UNC79: variants seen among roughly 807,000 people sequenced by gnomAD.
UNC79 encodes protein unc-79 homolog.
A neutral mutation model predicts 283.1 loss-of-function variants in UNC79; 37 were observed. That is an observed-to-expected ratio of 0.13 (90% CI 0.10 to 0.17). The LOEUF is 0.17. Among genes scored for constraint, UNC79 ranks in the 10% least tolerant of loss-of-function variants. UNC79 has a pLI of 1.00. For synonymous variants in UNC79, 1,107 were observed against 1,200.2 expected (o/e 0.92, Z 1.61); for missense variants, 2,272 against 3,211.1 (o/e 0.71, Z 7.07).
intron 17 of UNC79, 50 bp from the exon 18 acceptor site, chr14:93,577,792 A>G (rs778594201): frequency 7.6e-6 from 12 of 1,582,316 alleles, no homozygotes; most frequent in South Asian, 1.1e-5. Context: ...TTACACAGCA[A>G]TTTGAGCTTC....
At chr14:93,566,856 A>G (rs1168062254) in intron 14 of UNC79, among the ~76,000 whole-genome samples, 1 of 152,050 alleles carries the variant, frequency 6.6e-6, no homozygotes, top group South Asian at 2.1e-4. Context: ...TGACCTCGTG[A>G]TCTGCCCACC....
intron 3 of UNC79, among the ~76,000 whole-genome samples, chr14:93,476,955 G>A (rs886088317): frequency 6.6e-6 from 1 of 152,190 alleles, no homozygotes; most frequent in African/African-American, 2.4e-5. Flanking sequence ...TTCTAATGAA[G>A]TGAGGTAGGT....
chr14:93,442,075 G>T (rs1386033557), intron 1 of UNC79, among the ~76,000 whole-genome samples: 1 of 151,982 alleles, frequency 6.6e-6, no homozygotes, highest in Non-Finnish European at 1.5e-5. Flanking sequence ...TTGGCATTAA[G>T]GATTGGTGAA....
Position 93,690,001 on chromosome 14 carries a change from T to G in UNC79, c.7086-116T>G. On this transcript the variant is annotated intron_variant, in intron 44 of 48. Coordinates refer to ENST00000555664, the Ensembl canonical transcript of UNC79. This position sits in a 1 kb window ranked among gnomAD's most constrained non-coding sequence, Gnocchi z 4.3. ...CACTCAATTGCCTTGGCGTTTTGTT[T>G]TATGTGATTGCCTGCAAGACCACAC... is the stretch of plus-strand genomic sequence containing the variant. 1.7e-6 allele frequency: 2 copies of G among 1,187,022 alleles called. No individual in the cohort carries two copies. Among genetic ancestry groups the G allele is most frequent in the South Asian group, 3.0e-5 (2 of 67,600 alleles). 73.5% of individuals were successfully genotyped at this position (1,187,022 alleles called of 1,614,324 possible).
At chr14:93,699,028 C>T (rs2075350153) in intron 47 of UNC79, among the ~76,000 whole-genome samples, 1 of 152,088 alleles carries the variant, frequency 6.6e-6, no homozygotes, top group Non-Finnish European at 1.5e-5. Flanking sequence ...TAGGATGGTA[C>T]ATATTTTTTC....
chr14:93,501,094 G>A (rs1316814328), intron 7 of UNC79, among the ~76,000 whole-genome samples: 4 of 152,174 alleles, frequency 2.6e-5, no homozygotes, highest in Non-Finnish European at 5.9e-5. Flanking sequence ...GGAAGTGGAG[G>A]CAGGTGGATC....
chr14:93,651,998 G>A (rs2070335949), intron 35 of UNC79, among the ~76,000 whole-genome samples: 2 of 141,156 alleles, frequency 1.4e-5, no homozygotes, highest in South Asian at 4.5e-4. Context: ...CTGACCTCAG[G>A]TGATCCACCC....
chr14:93,498,081 G>A (rs2059101972), intron 7 of UNC79, among the ~76,000 whole-genome samples: 1 of 151,900 alleles, frequency 6.6e-6, no homozygotes, highest in African/African-American at 2.4e-5. Context: ...GTTCGCCTGA[G>A]GTCCAGAGTT....
At chr14:93,570,569 G>A (rs2141589682) in intron 14 of UNC79, among the ~76,000 whole-genome samples, 1 of 152,280 alleles carries the variant, frequency 6.6e-6, no homozygotes, top group African/African-American at 2.4e-5. Context: ...GGTGGTGAAG[G>A]GGAGTTTATG....
At chr14:93,349,093 A>T (rs773715360) in intron 1 of UNC79, among the ~76,000 whole-genome samples, 1 of 152,146 alleles carries the variant, frequency 6.6e-6, no homozygotes, top group African/African-American at 2.4e-5. Context: ...AACCCACCAG[A>T]AGGAAGAAAC....
chr14:93,478,188 A>T (rs759317666), intron 4 of UNC79, among the ~76,000 whole-genome samples: 1 of 152,206 alleles, frequency 6.6e-6, no homozygotes, highest in Non-Finnish European at 1.5e-5. Flanking sequence ...TTGAAACATC[A>T]TCTACAGAGT....
At chr14:93,448,645 A>G (rs2056539684) in intron 1 of UNC79, among the ~76,000 whole-genome samples, 1 of 152,132 alleles carries the variant, frequency 6.6e-6, no homozygotes, top group Non-Finnish European at 1.5e-5. Flanking sequence ...TTTCCCACCG[A>G]TGAGGTGTTG....
intron 7 of UNC79, among the ~76,000 whole-genome samples, chr14:93,505,075 G>A (rs548314083): frequency 6.6e-6 from 1 of 152,124 alleles, no homozygotes; most frequent in Non-Finnish European, 1.5e-5. Flanking sequence ...TTTTGTAAAT[G>A]TTCCTGTGTA....
chr14:93,674,294 T>A (rs896783522), intron 41 of UNC79, among the ~76,000 whole-genome samples: 3 of 151,988 alleles, frequency 2.0e-5, no homozygotes, highest in Non-Finnish European at 2.9e-5. Flanking sequence ...TTGCCTGGGA[T>A]TAGGGTTCAG....
At chr14:93,462,006 C>T (rs949701168) in intron 1 of UNC79, among the ~76,000 whole-genome samples, 7 of 149,160 alleles carry the variant, frequency 4.7e-5, no homozygotes, top group African/African-American at 1.7e-4. Context: ...AAACAAAAAC[C>T]GGTGTTAAGG....
chr14:93,535,158 G>T (rs2061009091), intron 11 of UNC79, among the ~76,000 whole-genome samples: 1 of 152,192 alleles, frequency 6.6e-6, no homozygotes, highest in African/African-American at 2.4e-5. Flanking sequence ...TGGTTGGAGT[G>T]AACATTTGAA....
At chr14:93,634,577 A>G in intron 31 of UNC79, 1 of 1,614,194 alleles carries the variant, frequency 6.2e-7, no homozygotes, top group Non-Finnish European at 8.5e-7. Flanking sequence ...GAGCCAGTTA[A>G]TGAAGCGGCA....
intron 1 of UNC79, among the ~76,000 whole-genome samples, chr14:93,408,979 T>G (rs2055282587): frequency 6.6e-6 from 1 of 152,200 alleles, no homozygotes. Flanking sequence ...ATAACAAATT[T>G]AGTGATGAAT....
intron 14 of UNC79, among the ~76,000 whole-genome samples, chr14:93,559,336 T>C (rs989847967): frequency 6.6e-6 from 1 of 152,246 alleles, no homozygotes; most frequent in African/African-American, 2.4e-5. Context: ...TATTGGCACA[T>C]ACTACTAAGT....
Sources: gnomAD v4.1 joint callset for allele counts (sites outside exome capture counted in the v4.1 genomes callset) on GRCh38, gnomAD v4.1.1 for gene constraint, Gnocchi (gnomAD v3.1) non-coding constraint, MANE v1.5 for transcripts, NCBI Gene and HGNC (gene_info 2026-07-23, HGNC 2026-07-21) for gene names.